Variants in TMEM232 observed in about 807,000 individuals in gnomAD.
The protein encoded by TMEM232 is transmembrane protein 232.
A neutral mutation model predicts 78.8 loss-of-function variants in TMEM232; 80 were observed. The observed-to-expected ratio is 1.01, with a 90% CI of 0.85 to 1.22. The LOEUF (loss-of-function observed/expected upper bound fraction) is 1.22, where lower values mean the gene tolerates loss of function less well. Ranked by LOEUF, TMEM232 falls within the 50% of genes most tolerant of loss-of-function variation. TMEM232 has a pLI of 0.00. For synonymous variants in TMEM232, 297 were observed against 254.3 expected (o/e 1.17, Z -1.60); for missense variants, 881 against 742.2 (o/e 1.19, Z -2.17).
chr5:110,418,363 G>A (rs1166259616), downstream of TMEM232, among the ~76,000 whole-genome samples: 12 of 113,370 alleles, frequency 1.1e-4, no homozygotes, highest in East Asian at 2.6e-4. Flanking sequence ...GGCAGAAGGC[G>A]TAACTAGAGT....
At chr5:110,527,621 G>A (rs546488252) in intron 12 of TMEM232, among the ~76,000 whole-genome samples, 60 of 151,830 alleles carry the variant, frequency 4.0e-4, no homozygotes, top group Non-Finnish European at 7.1e-4. Flanking sequence ...CAGATGTAAT[G>A]TATAAAACAA....
chr5:110,549,168 A>G (rs1774149138), intron 11 of TMEM232, among the ~76,000 whole-genome samples: 1 of 152,176 alleles, frequency 6.6e-6, no homozygotes, highest in Admixed American at 6.6e-5. Context: ...AAAGGAAAAT[A>G]CACAAATCTA....
intron 12 of TMEM232, among the ~76,000 whole-genome samples, chr5:110,438,850 G>T (rs942407351): frequency 6.6e-6 from 1 of 152,020 alleles, no homozygotes; most frequent in South Asian, 2.1e-4. Flanking sequence ...AGAAACCATG[G>T]ATCATCCTGG....
chr5:110,533,862 G>A (rs958151984), intron 11 of TMEM232, among the ~76,000 whole-genome samples: 2 of 152,170 alleles, frequency 1.3e-5, no homozygotes, highest in Non-Finnish European at 2.9e-5. Context: ...AGCAAAGGCA[G>A]GCTATGCTAT....
At chr5:110,523,096 T>C (rs560972131) in intron 12 of TMEM232, among the ~76,000 whole-genome samples, 1 of 152,332 alleles carries the variant, frequency 6.6e-6, no homozygotes, top group Admixed American at 6.5e-5. Context: ...GTTATAAGTA[T>C]GTTCAGACTT....
intron 5 of TMEM232, among the ~76,000 whole-genome samples, chr5:110,635,394 C>T (rs957744185): frequency 7.2e-5 from 11 of 151,932 alleles, no homozygotes; most frequent in African/African-American, 2.4e-4. Context: ...AAGAAAACTA[C>T]AGGCTAATAT....
chr5:110,560,260 TA>T (rs1263003962), intron 11 of TMEM232, among the ~76,000 whole-genome samples: 1 of 152,104 alleles, frequency 6.6e-6, no homozygotes, highest in Non-Finnish European at 1.5e-5. Flanking sequence ...TACCCAATAC[TA>T]GATTGGACCA....
At chr5:110,725,444 G>A (rs1798056736) in intron 1 of TMEM232, 1 of 152,164 alleles carries the variant, frequency 6.6e-6, no homozygotes. Flanking sequence ...GATGGACAAT[G>A]AACTTCAAGA....
Position 110,685,137 on chromosome 5 carries a change from A to G in TMEM232, c.-12-17773T>C, listed in dbSNP as rs574911087. 8.5e-5 allele frequency among the ~76,000 whole-genome samples: 13 copies of G among 152,262 alleles called. 1 individual carries two copies. In the South Asian group the frequency reaches 2.7e-3, roughly 32 times the overall value. The stretch of plus-strand genomic sequence containing the variant: ...TCACCTACGGCTCAAAAAAAGAAAT[A>G]ACAATGAAATTTGAAAAATATTTAG... On this transcript the variant is annotated intron_variant, in intron 1 of 13. Coordinates refer to ENST00000455884, the MANE Select transcript of TMEM232 (RefSeq NM_001039763.4).
intron 1 of TMEM232, among the ~76,000 whole-genome samples, chr5:110,692,363 C>G (rs967038164): frequency 1.3e-5 from 2 of 152,172 alleles, no homozygotes; most frequent in African/African-American, 4.8e-5. Context: ...GTCTACAGCT[C>G]CCAAAGTGAG....
chr5:110,449,997 T>C (rs1246182472), intron 12 of TMEM232, among the ~76,000 whole-genome samples: 4 of 152,096 alleles, frequency 2.6e-5, no homozygotes, highest in Admixed American at 2.0e-4. Context: ...AGGGAGGTGA[T>C]TGGATCATGT....
chr5:110,450,548 A>T (rs557484164), intron 12 of TMEM232, among the ~76,000 whole-genome samples: 1 of 152,242 alleles, frequency 6.6e-6, no homozygotes, highest in South Asian at 2.1e-4. Context: ...TCCCTGTTGC[A>T]GGTTTAGCAC....
intron 1 of TMEM232, among the ~76,000 whole-genome samples, chr5:110,702,885 C>T (rs536294251): frequency 1.3e-5 from 2 of 152,036 alleles, no homozygotes; most frequent in Admixed American, 6.6e-5. Flanking sequence ...AATATTTACA[C>T]TGACAGACGT....
At position 110,652,282 on chromosome 5, in the gene TMEM232, G is replaced by T. The variant is rs1788416149; in HGVS notation, c.126-9911C>A. On this transcript the variant is annotated intron_variant, in intron 2 of 13. Transcript: ENST00000455884. ...ACAGACAACCCCCAAGCACACAAAA[G>T]TGCACGCGCGCGCACACACACACAC... 6.9e-5 allele frequency among the ~76,000 whole-genome samples: 5 copies of T among 72,500 alleles called. No homozygotes were observed. The South Asian group carries it at 2.1e-3, about 30-fold the overall frequency. 47.6% of individuals were successfully genotyped at this position (72,500 alleles called of 152,430 possible). A position where few individuals can be genotyped will look rare whatever the true frequency, so the allele number is the denominator to read the frequency against.
intron 7 of TMEM232, among the ~76,000 whole-genome samples, chr5:110,620,619 CTCTCTCTCTCTCTCTCT>C (rs1561399731): frequency 9.4e-5 from 12 of 128,234 alleles, no homozygotes; most frequent in African/African-American, 3.9e-4. Flanking sequence ...CTCTCTCTCT[CTCTCTCTCTCTCTCTCT>C]CTCCTCTCTC....
intron 12 of TMEM232, among the ~76,000 whole-genome samples, chr5:110,430,463 C>G (rs1412277139): frequency 6.6e-6 from 1 of 151,512 alleles, no homozygotes; most frequent in African/African-American, 2.4e-5. Context: ...TCCTTCCTCT[C>G]TTCAAGGTAA....
At chr5:110,726,675 G>A (rs1170455958), upstream of TMEM232, 1 of 152,262 alleles carries the variant, frequency 6.6e-6, no homozygotes, top group Non-Finnish European at 1.5e-5. Context: ...TAAGGACGCT[G>A]TGGGAGTCGC....
chr5:110,456,075 C>T (rs78827465), intron 12 of TMEM232, among the ~76,000 whole-genome samples: 45 of 152,188 alleles, frequency 3.0e-4, no homozygotes, highest in African/African-American at 1.1e-3. Flanking sequence ...TTCTATTTAA[C>T]ATTAATAAAA....
chr5:110,609,439 C>T (rs1221392970), intron 8 of TMEM232, among the ~76,000 whole-genome samples: 4 of 151,910 alleles, frequency 2.6e-5, no homozygotes, highest in Non-Finnish European at 5.9e-5. Context: ...TGCATAGAAT[C>T]AGAGAAAGTG....
Sources: gnomAD v4.1 joint callset for allele counts (sites outside exome capture counted in the v4.1 genomes callset) on GRCh38, gnomAD v4.1.1 for gene constraint, MANE v1.5 for transcripts, NCBI Gene and HGNC (gene_info 2026-07-23, HGNC 2026-07-21) for gene names.